Variants in ARHGAP6 observed in about 807,000 individuals in gnomAD.
ARHGAP6 encodes the protein Rho GTPase activating protein 6.
ARHGAP6 carries 16 observed loss-of-function variants against 55.7 expected under a neutral mutation model. The ratio of observed to expected loss-of-function variants is 0.29; its 90% confidence interval spans 0.19 to 0.44. The LOEUF is 0.44. Ranked by LOEUF, ARHGAP6 falls within the 20% of genes least tolerant of loss-of-function variation. ARHGAP6 has a pLI of 1.00. For missense variants in ARHGAP6, 698 were observed against 808.9 expected (o/e 0.86, Z 1.66); for synonymous variants, 382 against 360.9 (o/e 1.06, Z -0.66).
chrX:11,345,180 C>A (rs2048763240), intron 1 of ARHGAP6, among the ~76,000 whole-genome samples: 1 of 111,787 alleles, frequency 8.9e-6, no homozygotes, highest in South Asian at 3.8e-4. Flanking sequence ...GGGCAGAAAA[C>A]CATACAAATT....
At chrX:11,362,804 G>A (rs943232973) in intron 1 of ARHGAP6, among the ~76,000 whole-genome samples, 4 of 110,899 alleles carry the variant, frequency 3.6e-5, no homozygotes, top group Non-Finnish European at 3.8e-5. Flanking sequence ...TGCCTCCTTC[G>A]GCACCAGTCA....
chrX:11,452,631 A>G (rs2050154310), intron 1 of ARHGAP6, among the ~76,000 whole-genome samples: 1 of 112,027 alleles, frequency 8.9e-6, no homozygotes, highest in African/African-American at 3.2e-5. Context: ...TCCATTCAGA[A>G]TGATACCTCT....
rs897115976 is a variant in ARHGAP6 at position 11,590,622 on chromosome X, TA to T, written c.588+73618del. On this transcript the variant is annotated intron_variant, in intron 1 of 12. Transcript: ENST00000337414. ...CAACATGGTGAAACCCCATTTCTACTAAAAACACAAAAATTAGCCAGGCGTG... is the reference window on the plus strand; with the variant it reads ...CAACATGGTGAAACCCCATTTCTACTAAAACACAAAAATTAGCCAGGCGTG... Among the ~76,000 whole-genome samples the T allele has an allele frequency of 2.8e-5, 3 of 105,272 alleles. No homozygotes were observed. The Admixed American group carries it at 3.2e-4, about 11-fold the overall frequency. 91.4% of individuals were successfully genotyped at this position (105,272 alleles called of 115,157 possible). A position where few individuals can be genotyped will look rare whatever the true frequency, so the allele number is the denominator to read the frequency against.
intron 1 of ARHGAP6, among the ~76,000 whole-genome samples, chrX:11,654,839 A>G (rs191810549): frequency 1.3e-3 from 151 of 112,317 alleles, no homozygotes; most frequent in Middle Eastern, 4.6e-3. Flanking sequence ...TGTTTTATTG[A>G]AAACAAGATG....
chrX:11,163,987 G>A (rs1166711625), intron 9 of ARHGAP6, among the ~76,000 whole-genome samples: 2 of 112,700 alleles, frequency 1.8e-5, no homozygotes, highest in African/African-American at 6.4e-5. Flanking sequence ...GACACAAACA[G>A]TACACATGTT....
At chrX:11,648,613 G>C (rs1029164697) in intron 1 of ARHGAP6, among the ~76,000 whole-genome samples, 42 of 111,793 alleles carry the variant, frequency 3.8e-4, no homozygotes, top group African/African-American at 1.3e-3. Context: ...ACCCCTTATA[G>C]CTTGTGTACC....
intron 1 of ARHGAP6, among the ~76,000 whole-genome samples, chrX:11,588,493 A>G (rs1293778341): frequency 8.9e-6 from 1 of 112,420 alleles, no homozygotes; most frequent in Non-Finnish European, 1.9e-5. Context: ...CATTATTCAC[A>G]CTATCCAAAA....
intron 2 of ARHGAP6, among the ~76,000 whole-genome samples, chrX:11,240,798 A>G (rs1303233780): frequency 9.1e-6 from 1 of 109,951 alleles, no homozygotes; most frequent in Non-Finnish European, 1.9e-5. Flanking sequence ...TAATCCCAGC[A>G]CTTTGGGACA....
chrX:11,357,790 TTAA>T (rs1339530913), intron 1 of ARHGAP6, among the ~76,000 whole-genome samples: 1 of 112,031 alleles, frequency 8.9e-6, no homozygotes, highest in Non-Finnish European at 1.9e-5. Context: ...AGCGATTTAC[TTAA>T]TAAATATCTG....
At chrX:11,298,170 A>C (rs773161383) in intron 1 of ARHGAP6, 2 of 1,206,232 alleles carry the variant, frequency 1.7e-6, no homozygotes, top group Admixed American at 2.2e-5. Flanking sequence ...CTACTGCATC[A>C]GTGAGTTTCT....
At chrX:11,278,094 C>T (rs1015464308) in intron 1 of ARHGAP6, among the ~76,000 whole-genome samples, 17 of 111,564 alleles carry the variant, frequency 1.5e-4, no homozygotes, top group Admixed American at 2.9e-4. Flanking sequence ...CTACAGAACA[C>T]GACCCCACAC....
chrX:11,202,859 TATA>T (rs1444562516), intron 2 of ARHGAP6, among the ~76,000 whole-genome samples: 1 of 99,605 alleles, frequency 1.0e-5, no homozygotes, highest in African/African-American at 3.8e-5. Flanking sequence ...GTGAACATAT[TATA>T]ATATGTAAAC....
intron 1 of ARHGAP6, among the ~76,000 whole-genome samples, chrX:11,526,045 T>C (rs748519864): frequency 3.6e-5 from 4 of 111,746 alleles, no homozygotes; most frequent in Non-Finnish European, 5.6e-5. Flanking sequence ...TTTCTTAACA[T>C]TGAGTTCTCC....
chrX:11,490,173 C>T (rs1426189948), intron 1 of ARHGAP6, among the ~76,000 whole-genome samples: 1 of 111,306 alleles, frequency 9.0e-6, no homozygotes, highest in Admixed American at 9.6e-5. Flanking sequence ...AAAAGTGATA[C>T]GATTCCATTC....
At chrX:11,342,072 T>C (rs751283552) in intron 1 of ARHGAP6, among the ~76,000 whole-genome samples, 1 of 110,194 alleles carries the variant, frequency 9.1e-6, no homozygotes, top group Admixed American at 9.8e-5. Flanking sequence ...GTGAGCTAAT[T>C]TCCTCTTTTA....
intron 1 of ARHGAP6, among the ~76,000 whole-genome samples, chrX:11,312,784 C>G (rs2048315725): frequency 9.0e-6 from 1 of 111,460 alleles, no homozygotes; most frequent in South Asian, 3.8e-4. Flanking sequence ...CTCCTCTTCA[C>G]TGCATGTTCT....
At chrX:11,486,937 G>A (rs1027330338) in intron 1 of ARHGAP6, among the ~76,000 whole-genome samples, 53 of 111,803 alleles carry the variant, frequency 4.7e-4, no homozygotes, top group African/African-American at 1.7e-3. Flanking sequence ...CAAAGCATCC[G>A]TGTAGGGATG....
chrX:11,483,163 C>G (rs2050475095), intron 1 of ARHGAP6, among the ~76,000 whole-genome samples: 1 of 111,704 alleles, frequency 9.0e-6, no homozygotes, highest in Non-Finnish European at 1.9e-5. Context: ...TTGACCACTG[C>G]CTTACCAACA....
intron 1 of ARHGAP6, among the ~76,000 whole-genome samples, chrX:11,351,919 C>A (rs192274753): frequency 2.6e-4 from 29 of 112,650 alleles, no homozygotes; most frequent in Non-Finnish European, 4.9e-4. Context: ...TCACTTCTCA[C>A]CTTTCCCTTC....
Sources: allele counts gnomAD v4.1 joint callset (sites outside exome capture counted in the v4.1 genomes callset), GRCh38; gene constraint gnomAD v4.1.1; transcripts MANE v1.5; gene names NCBI Gene and HGNC (gene_info 2026-07-23, HGNC 2026-07-21).